PARD3B: variants seen among roughly 807,000 people sequenced by gnomAD.
PARD3B encodes par-3 family cell polarity regulator beta.
In PARD3B, 103 loss-of-function variants were observed where a neutral mutation model predicts 130.2. The ratio of observed to expected loss-of-function variants is 0.79; its 90% CI spans 0.67 to 0.93. PARD3B has a LOEUF of 0.93. PARD3B is among the 40% of genes least tolerant of loss of function. The probability of loss-of-function intolerance (pLI) is 0.00; values close to 1 mark genes in which losing one functional copy is unlikely to be tolerated. For synonymous variants in PARD3B, 583 were observed against 553.2 expected, an observed-to-expected ratio of 1.05 and a Z score of -0.76; for missense variants, 1,609 against 1,499.2, an observed-to-expected ratio of 1.07 and a Z score of -1.21.
intron 5 of PARD3B, among the ~76,000 whole-genome samples, chr2:205,113,246 C>T (rs899968923): frequency 8.5e-5 from 13 of 152,110 alleles, no homozygotes; most frequent in Admixed American, 6.6e-4. Flanking sequence ...TGTAGGTAGT[C>T]ATTTCCATTT....
intron 11 of PARD3B, among the ~76,000 whole-genome samples, chr2:205,169,446 T>C (rs895737441): frequency 5.9e-5 from 9 of 152,248 alleles, no homozygotes; most frequent in African/African-American, 2.2e-4. Context: ...TTGTGCTTAG[T>C]AACTGTTGAT....
intron 20 of PARD3B, among the ~76,000 whole-genome samples, chr2:205,452,507 C>A (rs1399853411): frequency 2.6e-5 from 4 of 152,246 alleles, no homozygotes; most frequent in Middle Eastern, 6.8e-3. Flanking sequence ...ATCAATTGAA[C>A]AAAGCAATCA....
At chr2:205,141,594 T>C (rs2032958383) in intron 10 of PARD3B, among the ~76,000 whole-genome samples, 1 of 152,214 alleles carries the variant, frequency 6.6e-6, no homozygotes, top group African/African-American at 2.4e-5. Context: ...TGTAAGATCT[T>C]AGAAACATTT....
Position 204,810,599 on chromosome 2 carries a change from A to G in PARD3B, c.222+124317A>G, listed in dbSNP as rs111781755. Among the ~76,000 whole-genome samples the G allele has an allele frequency of 3.2e-4, 49 of 151,738 alleles. 1 individual carries two copies. The highest frequency in any genetic ancestry group is 5.6e-4 in the Non-Finnish European group (38 of 67,910). On this transcript the variant is annotated intron_variant, in intron 2 of 22. Coordinates refer to ENST00000406610, the MANE Select transcript of PARD3B (RefSeq NM_001302769.2). Reference sequence around the variant, plus strand: ...CATGTAGTTTTTGTCTTTAGTTCTGATGAATTACATTTATTGATTTGTGTA... The same window carrying G: ...CATGTAGTTTTTGTCTTTAGTTCTGGTGAATTACATTTATTGATTTGTGTA...
chr2:205,165,772 A>AAAGC (rs1431945054), intron 11 of PARD3B, among the ~76,000 whole-genome samples: 1 of 146,788 alleles, frequency 6.8e-6, no homozygotes, highest in African/African-American at 2.5e-5. Context: ...TAAATAAATA[A>AAAGC]AAGCTTCATA....
chr2:205,207,407 C>T (rs992553626), intron 15 of PARD3B, among the ~76,000 whole-genome samples: 4 of 148,118 alleles, frequency 2.7e-5, no homozygotes, highest in African/African-American at 1.0e-4. Flanking sequence ...AAAAACCCTT[C>T]AAAAAATTAA....
chr2:205,095,439 T>A (rs1488235197), intron 4 of PARD3B, among the ~76,000 whole-genome samples: 1 of 152,174 alleles, frequency 6.6e-6, no homozygotes, highest in Non-Finnish European at 1.5e-5. Flanking sequence ...ACTTCTAAAC[T>A]TCTATGGCTC....
chr2:205,358,710 C>T (rs907054756), intron 18 of PARD3B, among the ~76,000 whole-genome samples: 5 of 152,196 alleles, frequency 3.3e-5, no homozygotes, highest in Non-Finnish European at 5.9e-5. Context: ...TCGTTTTAGA[C>T]GGTGTGCTTT....
intron 1 of PARD3B, among the ~76,000 whole-genome samples, chr2:204,665,013 T>A (rs972930775): frequency 2.0e-5 from 3 of 152,138 alleles, no homozygotes; most frequent in African/African-American, 7.2e-5. Flanking sequence ...AGAAAATGTT[T>A]GTACTGATTT....
At chr2:205,319,726 T>A (rs184238685) in intron 18 of PARD3B, among the ~76,000 whole-genome samples, 1 of 152,342 alleles carries the variant, frequency 6.6e-6, no homozygotes, top group African/African-American at 2.4e-5. Context: ...CAACAATGGA[T>A]TGCTGAGCTA....
intron 2 of PARD3B, among the ~76,000 whole-genome samples, chr2:204,757,826 CAG>C (rs895508007): frequency 5.9e-5 from 9 of 151,812 alleles, no homozygotes; most frequent in African/African-American, 2.2e-4. Flanking sequence ...GGCAGAAGAA[CAG>C]AAATAAGATA....
intron 4 of PARD3B, among the ~76,000 whole-genome samples, chr2:205,080,562 T>C (rs1344897803): frequency 6.6e-6 from 1 of 152,168 alleles, no homozygotes; most frequent in East Asian, 1.9e-4. Context: ...AAAATCTGTT[T>C]TATTCTACTC....
chr2:205,401,134 G>T lies in PARD3B; in HGVS notation c.2741+11G>T. On this transcript the variant is annotated intron_variant, in intron 19 of 22. Transcript: ENST00000406610. The stretch of plus-strand genomic sequence containing the variant: ...AGAAGAGCGTGAAAGGTGAGCAGAA[G>T]TGCCGAGACCTTCATTTTCTTTGAC... The T allele has an allele frequency of 6.4e-7, 1 of 1,565,326 alleles. No individual in the cohort carries two copies. Among genetic ancestry groups the T allele is most frequent in the Non-Finnish European group, 8.7e-7 (1 of 1,149,038 alleles).
At chr2:205,475,193 G>A (rs1260451760) in intron 20 of PARD3B, among the ~76,000 whole-genome samples, 1 of 151,938 alleles carries the variant, frequency 6.6e-6, no homozygotes, top group African/African-American at 2.4e-5. Flanking sequence ...CCTTTGAATA[G>A]GCAGTATTAG....
Position 205,121,838 on chromosome 2 carries a change from A to G in PARD3B, c.1054A>G (p.Ser352Gly), listed in dbSNP as rs375792423. 3.1e-6 allele frequency: 5 copies of G among 1,614,036 alleles called. No homozygotes were observed. In the African/African-American group the frequency reaches 6.7e-5, roughly 22 times the overall value. ...ATCAGCTTCCCTGCAACAAAACAAG[A>G]GTCCCCGAGTACCAAGGCTGGGAGG... ...DASASLQQNK[S>G]PRVPRLGGKP... The change falls in exon 8 of 23, where the codon AGT becomes GGT. Residue 352 changes from serine to glycine, a missense_variant. Coordinates refer to ENST00000406610, the MANE Select transcript of PARD3B (RefSeq NM_001302769.2). The surrounding 1 kb of genome is among the most constrained non-coding windows in gnomAD (Gnocchi z 5.0).
chr2:205,170,809 T>C (rs2035130469), intron 11 of PARD3B, among the ~76,000 whole-genome samples: 1 of 152,022 alleles, frequency 6.6e-6, no homozygotes, highest in African/African-American at 2.4e-5. Context: ...TTTTTTTTTC[T>C]TTTACATTTC....
intron 2 of PARD3B, among the ~76,000 whole-genome samples, chr2:204,876,362 A>T (rs1283887217): frequency 1.8e-4 from 28 of 152,220 alleles, no homozygotes; most frequent in Admixed American, 1.8e-3. Flanking sequence ...AGTTGGCTAG[A>T]AAGGACATTT....
chr2:205,597,096 C>T (rs777844687), intron 22 of PARD3B, among the ~76,000 whole-genome samples: 11 of 151,734 alleles, frequency 7.2e-5, no homozygotes, highest in Non-Finnish European at 1.5e-4. Context: ...TGGTTACCTA[C>T]GTGTATTACA....
At chr2:205,072,324 A>G (rs1258217265) in intron 4 of PARD3B, among the ~76,000 whole-genome samples, 3 of 150,552 alleles carry the variant, frequency 2.0e-5, no homozygotes, top group Admixed American at 6.7e-5. Context: ...CTCTTGGCTC[A>G]CTGCAACTTC....
Sources: allele counts gnomAD v4.1 joint callset (sites outside exome capture counted in the v4.1 genomes callset), GRCh38; gene constraint gnomAD v4.1.1; non-coding constraint Gnocchi (gnomAD v3.1); transcripts MANE v1.5; gene names NCBI Gene and HGNC (gene_info 2026-07-23, HGNC 2026-07-21).